The following CTNND2 variants were observed in gnomAD, a reference collection of about 807,000 sequenced individuals.
The protein encoded by CTNND2 is catenin delta 2.
Under a neutral mutation model 144.4 loss-of-function variants are expected in CTNND2, and 22 were observed. The ratio of observed to expected loss-of-function variants is 0.15; its 90% CI spans 0.11 to 0.22. CTNND2 has a LOEUF of 0.22. Among genes scored for constraint, CTNND2 ranks in the 10% least tolerant of loss-of-function variants. The pLI is 1.00. For missense variants in CTNND2, 1,353 were observed against 1,618.8 expected, an observed-to-expected ratio of 0.84 and a Z score of 2.82; for synonymous variants, 751 against 695.6, an observed-to-expected ratio of 1.08 and a Z score of -1.25.
chr5:11,599,762 G>A (rs1779686864), intron 2 of CTNND2, among the ~76,000 whole-genome samples: 2 of 152,160 alleles, frequency 1.3e-5, no homozygotes, highest in African/African-American at 4.8e-5. Flanking sequence ...TTCCCTTGGG[G>A]TTCTCAGACC....
At chr5:11,557,157 C>T (rs1042874926) in intron 3 of CTNND2, among the ~76,000 whole-genome samples, 1 of 152,170 alleles carries the variant, frequency 6.6e-6, no homozygotes, top group African/African-American at 2.4e-5. Flanking sequence ...ATATATCTAA[C>T]ATGACCGATT....
chr5:11,082,805 GC>G lies in CTNND2; in HGVS notation c.2678del (p.Gly893AlafsTer11). ...YIRAAVRKEK[G>X]LPILVELLRI... ...GGAGCAGCTCCACGAGGATGGGCAG[GC>G]CTTTCTCTTTTCGGACAGCGGCTCG... is the stretch of plus-strand genomic sequence containing the variant. On this transcript the variant is annotated frameshift_variant, in exon 16 of 22. Transcript: ENST00000304623. LOFTEE classifies it high-confidence loss of function. 1 of 1,614,136 alleles carries G rather than the reference GC, an allele frequency of 6.2e-7. No homozygotes were observed. Among genetic ancestry groups the G allele is most frequent in the South Asian group, 1.1e-5 (1 of 91,080 alleles).
At chr5:11,595,423 G>A (rs889168053) in intron 2 of CTNND2, among the ~76,000 whole-genome samples, 17 of 152,218 alleles carry the variant, frequency 1.1e-4, no homozygotes, top group African/African-American at 3.4e-4. Flanking sequence ...GTGTAAATTC[G>A]AAGTCTGTAC....
At chr5:11,151,538 T>C (rs1757758508) in intron 12 of CTNND2, among the ~76,000 whole-genome samples, 1 of 152,204 alleles carries the variant, frequency 6.6e-6, no homozygotes, top group Admixed American at 6.5e-5. Flanking sequence ...AATGGAAAAA[T>C]CCAAATATTC....
chr5:11,380,846 A>T (rs895169117), intron 7 of CTNND2, among the ~76,000 whole-genome samples: 1 of 152,236 alleles, frequency 6.6e-6, no homozygotes, highest in Non-Finnish European at 1.5e-5. Flanking sequence ...GGAAATGTTT[A>T]TAGCGAAACA....
At chr5:11,246,742 T>G (rs1743047647) in intron 9 of CTNND2, among the ~76,000 whole-genome samples, 3 of 145,200 alleles carry the variant, frequency 2.1e-5, no homozygotes, top group Non-Finnish European at 4.6e-5. Context: ...TGGGGGGTGG[T>G]TATTATAAAT....
chr5:11,747,337 T>C (rs537355429), intron 1 of CTNND2, among the ~76,000 whole-genome samples: 1 of 151,406 alleles, frequency 6.6e-6, no homozygotes, highest in African/African-American at 2.5e-5. Context: ...TCTTCCAGAA[T>C]AAAAGAGGAA....
At chr5:11,712,135 T>A (rs1786068964) in intron 2 of CTNND2, among the ~76,000 whole-genome samples, 1 of 152,168 alleles carries the variant, frequency 6.6e-6, no homozygotes. Context: ...AGTCAAACAA[T>A]GTTTGCAGAA....
chr5:11,191,212 C>T (rs1406576470), intron 11 of CTNND2, among the ~76,000 whole-genome samples: 1 of 152,184 alleles, frequency 6.6e-6, no homozygotes, highest in East Asian at 1.9e-4. Context: ...ATTCAGGAGT[C>T]TGTTGAGGGT....
intron 3 of CTNND2, among the ~76,000 whole-genome samples, chr5:11,513,447 A>T (rs1276897030): frequency 6.6e-6 from 1 of 152,214 alleles, no homozygotes; most frequent in Non-Finnish European, 1.5e-5. Flanking sequence ...GGTTTGATCA[A>T]TGTGATCAAG....
intron 21 of CTNND2, among the ~76,000 whole-genome samples, chr5:10,979,031 G>A (rs751171779): frequency 7.9e-5 from 12 of 152,156 alleles, no homozygotes; most frequent in Non-Finnish European, 8.8e-5. Context: ...GCCAACTCCC[G>A]GGGAAGGAAG....
chr5:11,746,490 A>G (rs555269532), intron 1 of CTNND2, among the ~76,000 whole-genome samples: 3 of 152,216 alleles, frequency 2.0e-5, no homozygotes, highest in South Asian at 4.1e-4. Flanking sequence ...ATTAAAAAAA[A>G]CTTTTAATGT....
rs556844062 is a variant in CTNND2, at chr5:11,192,995, T to C, written c.1975+6453A>G. Among the ~76,000 whole-genome samples, 8 of 152,276 alleles carry C rather than the reference T, an allele frequency of 5.3e-5. No homozygotes were observed. In the East Asian group the frequency reaches 1.5e-3, roughly 29 times the overall value. On this transcript the variant is annotated intron_variant, in intron 11 of 21. Coordinates refer to ENST00000304623, the MANE Select transcript of CTNND2 (RefSeq NM_001332.4). ...TGCTACATTTGATGGGCAGGGACCA[T>C]TGTTCACACCTTTGAACAGTGAGAG...
At chr5:11,557,093 A>G (rs1776292840) in intron 3 of CTNND2, among the ~76,000 whole-genome samples, 3 of 152,210 alleles carry the variant, frequency 2.0e-5, no homozygotes, top group Non-Finnish European at 2.9e-5. Flanking sequence ...AAATATTGTC[A>G]CAGAATAAAA....
intron 10 of CTNND2, among the ~76,000 whole-genome samples, chr5:11,234,649 A>G (rs1311158945): frequency 6.6e-6 from 1 of 152,220 alleles, no homozygotes; most frequent in African/African-American, 2.4e-5. Context: ...TGGCATTGCC[A>G]CTGAGAGGCC....
rs1055428321 is a variant in CTNND2, at chr5:11,281,481, A to T, written c.1629-44658T>A. 3.3e-5 allele frequency among the ~76,000 whole-genome samples: 5 copies of T among 152,256 alleles called. No individual in the cohort carries two copies. In the South Asian group the frequency reaches 1.0e-3, roughly 32 times the overall value. ...AGCAATGGCCAATGGCAAAAACTTG[A>T]AAGAGTATGCAAAATAAAGTCAACA... is the stretch of plus-strand genomic sequence containing the variant. On this transcript the variant is annotated intron_variant, in intron 9 of 21. Transcript: ENST00000304623.
At chr5:11,740,438 G>A (rs1204822237) in intron 1 of CTNND2, among the ~76,000 whole-genome samples, 1 of 152,186 alleles carries the variant, frequency 6.6e-6, no homozygotes, top group African/African-American at 2.4e-5. Flanking sequence ...AAGAAATGGG[G>A]AAAGGATTCC....
intron 1 of CTNND2, among the ~76,000 whole-genome samples, chr5:11,768,181 T>C (rs1789705197): frequency 1.3e-5 from 2 of 152,212 alleles, no homozygotes; most frequent in African/African-American, 4.8e-5. Flanking sequence ...TTCCTGACAA[T>C]CACTGCACAA....
rs75724982 is a variant in CTNND2 at position 11,135,632 on chromosome 5, C to T, written c.2160-18065G>A. Among the ~76,000 whole-genome samples the T allele has an allele frequency of 2.8e-3, 434 of 152,290 alleles. 3 individuals carry two copies. Among genetic ancestry groups the T allele is most frequent in the African/African-American group, 9.2e-3 (384 of 41,556 alleles). On this transcript the variant is annotated intron_variant, in intron 12 of 21. Transcript: ENST00000304623. ...AAATACTCATCATGGAATATTTTTA[C>T]AGACTATGCTGAAAATCAAATACAT...
Sources: allele counts gnomAD v4.1 joint callset (sites outside exome capture counted in the v4.1 genomes callset), GRCh38; gene constraint gnomAD v4.1.1; transcripts MANE v1.5; gene names NCBI Gene and HGNC (gene_info 2026-07-23, HGNC 2026-07-21).